Variants in MAPK4 observed in about 807,000 individuals in gnomAD.
The protein encoded by MAPK4 is Erk3-related.
Under a neutral mutation model 47.7 loss-of-function variants are expected in MAPK4, and 22 were observed. The ratio of observed to expected loss-of-function variants is 0.46; its 90% CI spans 0.33 to 0.66. The LOEUF (loss-of-function observed/expected upper bound fraction) is 0.66, where lower values mean the gene tolerates loss of function less well. MAPK4 is among the 30% of genes least tolerant of loss of function. MAPK4 has a pLI of 0.02. For synonymous variants in MAPK4, 390 were observed against 365.7 expected (o/e 1.07, Z -0.76); for missense variants, 736 against 831.7 (o/e 0.88, Z 1.42).
chr18:50,612,436 C>T (rs760950417), intron 1 of MAPK4, among the ~76,000 whole-genome samples: 2 of 152,138 alleles, frequency 1.3e-5, no homozygotes, highest in Non-Finnish European at 2.9e-5. Flanking sequence ...TCACCCCTAC[C>T]CTCAGGGAGC....
At chr18:50,691,832 G>A (rs1308588882) in intron 2 of MAPK4, among the ~76,000 whole-genome samples, 1 of 152,140 alleles carries the variant, frequency 6.6e-6, no homozygotes, top group African/African-American at 2.4e-5. Flanking sequence ...GCCAGGACTG[G>A]TTTTAGCCAA....
chr18:50,731,415 G>A lies in MAPK4; in HGVS notation c.*1561G>A, dbSNP rs575957634. 4.6e-5 allele frequency: 7 copies of A among 152,362 alleles called. No homozygotes were observed. The South Asian group carries it at 1.5e-3, about 32-fold the overall frequency. 9.4% of individuals were successfully genotyped at this position (152,362 alleles called of 1,614,324 possible). ...AAGTCCAGCCAGTTTCCAGGTAGAG[G>A]ATTCCACCAGTTGGTCTTGGGCTGC... On this transcript the variant is annotated 3_prime_UTR_variant, in exon 6 of 6. Transcript: ENST00000400384.
Position 50,664,344 on chromosome 18 carries a change from T to C in MAPK4, c.386T>C (p.Phe129Ser). 6.2e-7 allele frequency: 1 copy of C among 1,613,936 alleles called. No individual in the cohort carries two copies. The highest frequency in any genetic ancestry group is 8.5e-7 in the Non-Finnish European group (1 of 1,180,024). The change falls in exon 2 of 6, where the codon TTC becomes TCC. Residue 129 changes from phenylalanine to serine, a missense_variant. Coordinates refer to ENST00000400384, the MANE Select transcript of MAPK4 (RefSeq NM_002747.4). This position sits in a 1 kb window ranked among gnomAD's most constrained non-coding sequence, Gnocchi z 6.0. ...GTLAEEHAKL[F>S]MYQLLRGLKY... is the part of the protein sequence containing the mutation. ...CTGGCAGAAGAGCATGCCAAGCTGTTCATGTACCAGCTGCTCCGCGGGCTC... is the reference window on the plus strand; with the variant it reads ...CTGGCAGAAGAGCATGCCAAGCTGTCCATGTACCAGCTGCTCCGCGGGCTC...
intron 1 of MAPK4, among the ~76,000 whole-genome samples, chr18:50,581,335 A>C (rs1364643282): frequency 2.6e-5 from 4 of 152,128 alleles, no homozygotes; most frequent in Admixed American, 2.0e-4. Flanking sequence ...CTTGGGCTGA[A>C]GGATCAGCTT....
At chr18:50,618,946 C>T (rs946342747) in intron 1 of MAPK4, among the ~76,000 whole-genome samples, 3 of 151,988 alleles carry the variant, frequency 2.0e-5, no homozygotes, top group African/African-American at 7.3e-5. Context: ...GCCCGGGTAA[C>T]TGCCTTCTAT....
chr18:50,592,671 A>G (rs1049667700), intron 1 of MAPK4, among the ~76,000 whole-genome samples: 35 of 152,380 alleles, frequency 2.3e-4, no homozygotes, highest in African/African-American at 8.4e-4. Context: ...GATTGATCAA[A>G]GTAAAAATGT....
intron 3 of MAPK4, among the ~76,000 whole-genome samples, chr18:50,717,099 G>A (rs1910679545): frequency 6.6e-6 from 1 of 152,174 alleles, no homozygotes; most frequent in Non-Finnish European, 1.5e-5. Flanking sequence ...TGAGGCTGAT[G>A]TGACTCACTT....
chr18:50,604,659 T>G (rs1341731549), intron 1 of MAPK4, among the ~76,000 whole-genome samples: 3 of 152,264 alleles, frequency 2.0e-5, no homozygotes, highest in African/African-American at 7.2e-5. Context: ...ACTTTTTGTC[T>G]TGGTCTAAAA....
Position 50,683,453 on chromosome 18 carries a change from G to GGTGTGTGTGTGTGT in MAPK4, c.546+18974_546+18987dup, listed in dbSNP as rs3045776. 8.4e-5 allele frequency among the ~76,000 whole-genome samples: 12 copies of GGTGTGTGTGTGTGT among 142,256 alleles called. No individual in the cohort carries two copies. The East Asian group carries it at 1.4e-3, about 17-fold the overall frequency. 93.3% of individuals were successfully genotyped at this position (142,256 alleles called of 152,430 possible). A position where few individuals can be genotyped will look rare whatever the true frequency, so the allele number is the denominator to read the frequency against. On this transcript the variant is annotated intron_variant, in intron 2 of 5. Coordinates refer to ENST00000400384, the MANE Select transcript of MAPK4 (RefSeq NM_002747.4). The stretch of plus-strand genomic sequence containing the variant: ...TGTTCATTATTTTTATTGGTGATGG[G>GGTGTGTGTGTGTGT]GTGTGTGTGTGTGTGTGTGTGTGTG...
At chr18:50,658,174 T>G (rs1012809619) in intron 1 of MAPK4, among the ~76,000 whole-genome samples, 6 of 152,226 alleles carry the variant, frequency 3.9e-5, no homozygotes, top group African/African-American at 1.2e-4. Flanking sequence ...TTCCATAGAA[T>G]GGGCTTACTG....
At chr18:50,614,116 T>C (rs1205126817) in intron 1 of MAPK4, among the ~76,000 whole-genome samples, 1 of 152,202 alleles carries the variant, frequency 6.6e-6, no homozygotes, top group Non-Finnish European at 1.5e-5. Flanking sequence ...ATTCTGCTAA[T>C]GGACAATGTT....
chr18:50,592,241 C>A lies in MAPK4; in HGVS notation c.-871+31998C>A, dbSNP rs147841444. Among the ~76,000 whole-genome samples the A allele has an allele frequency of 3.3e-5, 5 of 152,260 alleles. No homozygotes were observed. In the East Asian group the frequency reaches 5.8e-4, roughly 18 times the overall value. On this transcript the variant is annotated intron_variant, in intron 1 of 5. Transcript: ENST00000400384. Reference sequence around the variant, plus strand: ...GCCAGAAGAGGGTTCAAGGACATGCCAAACCTCCTTCTATTGGGAAACTGT... The same window carrying A: ...GCCAGAAGAGGGTTCAAGGACATGCAAAACCTCCTTCTATTGGGAAACTGT...
At chr18:50,721,542 C>T (rs1026122589) in intron 3 of MAPK4, among the ~76,000 whole-genome samples, 4 of 152,190 alleles carry the variant, frequency 2.6e-5, no homozygotes, top group African/African-American at 9.7e-5. Context: ...GGCTCATTCC[C>T]AGCCTTAAAA....
chr18:50,664,907 C>G lies in MAPK4; in HGVS notation c.546+403C>G, dbSNP rs1171211396. Among the ~76,000 whole-genome samples the G allele has an allele frequency of 1.3e-5, 2 of 152,220 alleles. No homozygotes were observed. Among genetic ancestry groups the G allele is most frequent in the Non-Finnish European group, 2.9e-5 (2 of 68,034 alleles). On this transcript the variant is annotated intron_variant, in intron 2 of 5. Transcript: ENST00000400384. The surrounding 1 kb of genome is among the most constrained non-coding windows in gnomAD (Gnocchi z 6.0). ...AGGACACACCCTGAGGCTTCCCACC[C>G]TGTGAGCCTCATGCTCTGGTTGGTC... is the stretch of plus-strand genomic sequence containing the variant.
rs867320710 is a variant in MAPK4, at chr18:50,715,162, C to T, written c.630C>T (p.Ile210=). ...CCCCCAATAACTACACCAAAGCCAT[C>T]GACATGTGGGCCGCCGGCTGCATCC... ...LLSPNNYTKA[I]DMWAAGCILA... The change falls in exon 3 of 6, where the codon ATC becomes ATT. Residue 210 remains isoleucine, a synonymous_variant. Coordinates refer to ENST00000400384, the MANE Select transcript of MAPK4 (RefSeq NM_002747.4). 1.7e-5 allele frequency: 28 copies of T among 1,614,060 alleles called. No homozygotes were observed. In the Middle Eastern group the frequency reaches 4.9e-4, roughly 28 times the overall value.
intron 2 of MAPK4, among the ~76,000 whole-genome samples, chr18:50,700,122 G>C (rs1259642052): frequency 2.0e-5 from 3 of 152,108 alleles, no homozygotes; most frequent in African/African-American, 7.2e-5. Context: ...ATACCACGTG[G>C]CTCAAAGCCC....
intron 3 of MAPK4, among the ~76,000 whole-genome samples, chr18:50,718,494 A>G (rs1598952106): frequency 2.0e-5 from 3 of 152,344 alleles, no homozygotes; most frequent in African/African-American, 4.8e-5. Flanking sequence ...CTGGGATTAC[A>G]GGCATGAGCC....
rs976652883 is a variant in MAPK4 at position 50,663,073 on chromosome 18, G to A, written c.-870-16G>A. The A allele has an allele frequency of 3.3e-5, 5 of 152,360 alleles. No homozygotes were observed. The highest frequency in any genetic ancestry group is 1.9e-4 in the East Asian group (1 of 5,182). 9.4% of individuals were successfully genotyped at this position (152,360 alleles called of 1,614,324 possible). On this transcript the variant is annotated splice_polypyrimidine_tract_variant and intron_variant, in intron 1 of 5. Transcript: ENST00000400384. The stretch of plus-strand genomic sequence containing the variant: ...GCCGGAGTGTGGAAATTTACCCAAC[G>A]TTATTTCTTTGACAGGGAAGGAGAC...
intron 1 of MAPK4, among the ~76,000 whole-genome samples, chr18:50,597,353 TC>T: frequency 6.6e-6 from 1 of 152,186 alleles, no homozygotes; most frequent in Admixed American, 6.5e-5. Context: ...TAGTTTCCAC[TC>T]CCAGCGGCCA....
Sources: gnomAD v4.1 joint callset for allele counts (sites outside exome capture counted in the v4.1 genomes callset) on GRCh38, gnomAD v4.1.1 for gene constraint, Gnocchi (gnomAD v3.1) non-coding constraint, MANE v1.5 for transcripts, NCBI Gene and HGNC (gene_info 2026-07-23, HGNC 2026-07-21) for gene names.